The following P3H3 variants were observed in gnomAD, a reference collection of about 807,000 sequenced individuals.
P3H3 encodes the protein prolyl 3-hydroxylase 3, also known as gene rich cluster, B.
A neutral mutation model predicts 78.1 loss-of-function variants in P3H3; 64 were observed. The ratio of observed to expected loss-of-function variants is 0.82; its 90% CI spans 0.67 to 1.01. The LOEUF (loss-of-function observed/expected upper bound fraction) is 1.01, where lower values mean the gene tolerates loss of function less well. Ranked by LOEUF, P3H3 falls within the 50% of genes least tolerant of loss-of-function variation. P3H3 has a pLI of 0.00. For missense variants in P3H3, 975 were observed against 982.2 expected (o/e 0.99, Z 0.10); for synonymous variants, 425 against 416.7 (o/e 1.02, Z -0.24).
intron 13 of P3H3, among the ~76,000 whole-genome samples, chr12:6,838,283 A>G (rs868907755): frequency 6.6e-5 from 10 of 152,316 alleles, no homozygotes; most frequent in Middle Eastern, 3.4e-3. Flanking sequence ...AGGTGCCTCC[A>G]GGACTCCATG....
At position 6,831,395 on chromosome 12, in the gene P3H3, A is replaced by C. The variant is rs1555121411; in HGVS notation, c.1122+43A>C. On this transcript the variant is annotated intron_variant, in intron 5 of 14. Transcript: ENST00000290510. The surrounding 1 kb of genome is among the most constrained non-coding windows in gnomAD (Gnocchi z 4.6). ...CTCACCTGGGAGGTAGCCCCAAATC[A>C]AACAAATAGACCTGAGAAGTAACCT... 3 of 1,610,528 alleles carry C rather than the reference A, an allele frequency of 1.9e-6. No homozygotes were observed. Among genetic ancestry groups the C allele is most frequent in the Admixed American group, 3.3e-5 (2 of 59,924 alleles).
In P3H3 at chr12:6,831,528, G is replaced by A. The variant is rs1791432970; in HGVS notation, c.1122+176G>A. 6.6e-6 allele frequency among the ~76,000 whole-genome samples: 1 copy of A among 151,930 alleles called. No individual in the cohort carries two copies. The highest frequency in any genetic ancestry group is 6.6e-5 in the Admixed American group (1 of 15,240). On this transcript the variant is annotated intron_variant, in intron 5 of 14. Coordinates refer to ENST00000290510, the MANE Select transcript of P3H3 (RefSeq NM_014262.5). This position sits in a 1 kb window ranked among gnomAD's most constrained non-coding sequence, Gnocchi z 4.6. ...CACTCCCTGCTCCCCACGGCAGCCT[G>A]GAGTTCCGATTCCAGCCCTCAGCCC...
chr12:6,837,876 A>G (rs1555122460), intron 12 of P3H3, 27 bp downstream of exon 12: 2 of 1,597,254 alleles, frequency 1.3e-6, no homozygotes, highest in East Asian at 4.6e-5. Flanking sequence ...GTGGTCAGGC[A>G]GGTGGGCAGA....
chr12:6,828,946 G>A lies in P3H3; in HGVS notation c.498+8G>A. 5.7e-6 allele frequency: 7 copies of A among 1,229,584 alleles called. No homozygotes were observed. The highest frequency in any genetic ancestry group is 7.1e-6 in the Non-Finnish European group (7 of 982,232). 76.2% of individuals were successfully genotyped at this position (1,229,584 alleles called of 1,614,324 possible). A position where few individuals can be genotyped will look rare whatever the true frequency, so the allele number is the denominator to read the frequency against. Reference sequence around the variant, plus strand: ...CAGAGGGCCTATTACCAGGTGGGGAGCGGGCCGGGCAGCTCCGAGGGTCCC... The same window carrying A: ...CAGAGGGCCTATTACCAGGTGGGGAACGGGCCGGGCAGCTCCGAGGGTCCC... On this transcript the variant is annotated splice_region_variant and intron_variant, in intron 1 of 14. Transcript: ENST00000290510.
intron 9 of P3H3, among the ~76,000 whole-genome samples, chr12:6,836,227 C>CA (rs1385021771): frequency 8.2e-5 from 3 of 36,650 alleles, no homozygotes; most frequent in African/African-American, 4.9e-4. Context: ...GTCTCAAAAA[C>CA]AAAAAATGAA....
Position 6,839,537 on chromosome 12 carries a change from GC to G in P3H3, c.*80del. ...ATCTTGATGCCAGGACACACAGGAA[GC>G]CCCTGTGTGACATCAGGAGCAGAAC... On this transcript the variant is annotated 3_prime_UTR_variant, in exon 15 of 15. Coordinates refer to ENST00000290510, the MANE Select transcript of P3H3 (RefSeq NM_014262.5). The G allele has an allele frequency of 6.8e-7, 1 of 1,470,402 alleles. No individual in the cohort carries two copies. The highest frequency in any genetic ancestry group is 9.1e-7 in the Non-Finnish European group (1 of 1,096,936). The allele number at this position is 1,470,402 out of a possible 1,614,324, so 91.1% of individuals were successfully genotyped here. A position where few individuals can be genotyped will look rare whatever the true frequency, so the allele number is the denominator to read the frequency against.
At position 6,829,971 on chromosome 12, in the gene P3H3, G is replaced by T; in HGVS notation, c.611G>T (p.Arg204Leu). 2 of 1,613,960 alleles carry T rather than the reference G, an allele frequency of 1.2e-6. No individual in the cohort carries two copies. The highest frequency in any genetic ancestry group is 8.5e-7 in the Non-Finnish European group (1 of 1,179,868). The change falls in exon 2 of 15, where the codon CGG becomes CTG. Residue 204 changes from arginine (R) to leucine (L), a missense_variant. Physicochemically the swap from Arg to Leu is moderately radical, Grantham distance 102. Coordinates refer to ENST00000290510, the MANE Select transcript of P3H3 (RefSeq NM_014262.5). The surrounding 1 kb of genome is among the most constrained non-coding windows in gnomAD (Gnocchi z 5.1). Reference sequence around the variant, plus strand: ...AAGTACAGACGAATGTCGGGAGTTCGGCCCCAGAGCTTCCGGGACCTGGAG... The same window carrying T: ...AAGTACAGACGAATGTCGGGAGTTCTGCCCCAGAGCTTCCGGGACCTGGAG... ...MAKYRRMSGV[R>L]PQSFRDLETP...
Position 6,829,650 on chromosome 12 carries a change from C to A in P3H3, c.499-209C>A. The A allele has an allele frequency of 1.7e-6, 1 of 588,662 alleles. No individual in the cohort carries two copies. The highest frequency in any genetic ancestry group is 3.0e-6 in the Non-Finnish European group (1 of 333,554). 36.5% of individuals were successfully genotyped at this position (588,662 alleles called of 1,614,324 possible). A position where few individuals can be genotyped will look rare whatever the true frequency, so the allele number is the denominator to read the frequency against. ...ACTCCGACGTCTTTAGATCCCCTTT[C>A]CCTCGGTGCCAGCCTTCTGAGAGTC... On this transcript the variant is annotated intron_variant, in intron 1 of 14. Transcript: ENST00000290510. This position sits in a 1 kb window ranked among gnomAD's most constrained non-coding sequence, Gnocchi z 5.1.
intron 11 of P3H3, 52 bp from the exon 12 acceptor site, chr12:6,837,680 G>A: frequency 6.3e-7 from 1 of 1,583,230 alleles, no homozygotes; most frequent in African/African-American, 1.3e-5. Context: ...CCCACAGGGT[G>A]GCAGATGGGC....
rs111417102 is a variant in P3H3, at chr12:6,831,088, GA to G, written c.986-126del. The G allele has an allele frequency of 6.7e-6, 8 of 1,194,780 alleles. No homozygotes were observed. The highest frequency in any genetic ancestry group is 1.9e-4 in the Middle Eastern group (1 of 5,292). 74.0% of individuals were successfully genotyped at this position (1,194,780 alleles called of 1,614,324 possible). A position where few individuals can be genotyped will look rare whatever the true frequency, so the allele number is the denominator to read the frequency against. ...GGCAGCTGAACTTGTCTGCCAGTGG[GA>G]AGGGGGCTCTTGGAGTTAGCTGTCT... is the stretch of plus-strand genomic sequence containing the variant. On this transcript the variant is annotated intron_variant, in intron 4 of 14. Coordinates refer to ENST00000290510, the MANE Select transcript of P3H3 (RefSeq NM_014262.5). This position sits in a 1 kb window ranked among gnomAD's most constrained non-coding sequence, Gnocchi z 4.6.
intron 9 of P3H3, among the ~76,000 whole-genome samples, chr12:6,835,780 G>A (rs1490685667): frequency 6.6e-6 from 1 of 152,140 alleles, no homozygotes; most frequent in African/African-American, 2.4e-5. Context: ...GTAGACAGCT[G>A]TTGCAGGATT....
chr12:6,829,419 C>T lies in P3H3; in HGVS notation c.499-440C>T, dbSNP rs1184334722. ...CTCTGCGGGCGGGGAGGGGACAGCACGCCGCAGCCGCCGGTACCGCAGCAG... is the reference window on the plus strand; with the variant it reads ...CTCTGCGGGCGGGGAGGGGACAGCATGCCGCAGCCGCCGGTACCGCAGCAG... On this transcript the variant is annotated intron_variant, in intron 1 of 14. Transcript: ENST00000290510. This position sits in a 1 kb window ranked among gnomAD's most constrained non-coding sequence, Gnocchi z 5.1. The T allele has an allele frequency of 8.3e-6, 2 of 239,846 alleles. No individual in the cohort carries two copies. The highest frequency in any genetic ancestry group is 4.7e-5 in the African/African-American group (2 of 42,674). 14.9% of individuals were successfully genotyped at this position (239,846 alleles called of 1,614,324 possible).
In P3H3 at chr12:6,829,254, C is replaced by T. The variant is rs1555120944; in HGVS notation, c.498+316C>T. 5 of 317,686 alleles carry T rather than the reference C, an allele frequency of 1.6e-5. No individual in the cohort carries two copies. 19.7% of individuals were successfully genotyped at this position (317,686 alleles called of 1,614,324 possible). On this transcript the variant is annotated intron_variant, in intron 1 of 14. Coordinates refer to ENST00000290510, the MANE Select transcript of P3H3 (RefSeq NM_014262.5). This position sits in a 1 kb window ranked among gnomAD's most constrained non-coding sequence, Gnocchi z 5.1. Reference sequence around the variant, plus strand: ...GAAGCGGAGGCGGTGGGGGCGAAACCGGCTCTCGGACGGGAAGTGTGCGTG... The same window carrying T: ...GAAGCGGAGGCGGTGGGGGCGAAACTGGCTCTCGGACGGGAAGTGTGCGTG...
Position 6,830,785 on chromosome 12 carries a change from G to A in P3H3, c.985+15G>A. ...CCATGCTCAGGGTCAGTTGGGGAAG[G>A]GTGGAAACGGGGAGTGAAGATTTGC... On this transcript the variant is annotated intron_variant, in intron 4 of 14. Coordinates refer to ENST00000290510, the MANE Select transcript of P3H3 (RefSeq NM_014262.5). 1.2e-6 allele frequency: 2 copies of A among 1,613,406 alleles called. No homozygotes were observed.
rs1165197569 is a variant in P3H3, at chr12:6,839,355, AG to A, written c.2107del (p.Glu703LysfsTer47). On this transcript the variant is annotated frameshift_variant, in exon 15 of 15. Coordinates refer to ENST00000290510, the MANE Select transcript of P3H3 (RefSeq NM_014262.5). LOFTEE classifies it high-confidence loss of function. Reference protein sequence around the residue: ...QESQEEEEEEEEEMPSKDPSP... With the variant: ...QESQEEEEEEXEEMPSKDPSP... ...TCACAGGAGGAGGAGGAAGAGGAAG[AG>A]GAAGAAATGCCCAGCAAAGACCCTT... 3.9e-6 allele frequency: 6 copies of A among 1,553,918 alleles called. No homozygotes were observed. Among genetic ancestry groups the A allele is most frequent in the Non-Finnish European group, 5.2e-6 (6 of 1,148,190 alleles).
Position 6,830,780 on chromosome 12 carries a change from GGAAGGGTGGAAACGGGGAGT to G in P3H3, c.985+15_985+34del, listed in dbSNP as rs782116883. The G allele has an allele frequency of 1.4e-4, 220 of 1,613,796 alleles. No homozygotes were observed. Among genetic ancestry groups the G allele is most frequent in the Non-Finnish European group, 1.8e-4 (215 of 1,179,832 alleles). On this transcript the variant is annotated intron_variant, in intron 4 of 14. Coordinates refer to ENST00000290510, the MANE Select transcript of P3H3 (RefSeq NM_014262.5). Reference sequence around the variant, plus strand: ...GAGGCCCATGCTCAGGGTCAGTTGGGGAAGGGTGGAAACGGGGAGTGAAGATTTGCCTCTGCTGCTATCCT... The same window carrying G: ...GAGGCCCATGCTCAGGGTCAGTTGGGGAAGATTTGCCTCTGCTGCTATCCT...
Position 6,831,994 on chromosome 12 carries a change from C to A in P3H3, c.1212+80C>A. 1.3e-6 allele frequency: 1 copy of A among 788,444 alleles called. No individual in the cohort carries two copies. 48.8% of individuals were successfully genotyped at this position (788,444 alleles called of 1,614,324 possible). On this transcript the variant is annotated intron_variant, in intron 6 of 14. Transcript: ENST00000290510. The surrounding 1 kb of genome is among the most constrained non-coding windows in gnomAD (Gnocchi z 4.6). ...CACTTTGGTTTGCAACAGAGTTTTCCATTTTTCCACCATGAGGCTTGGAGA... is the reference window on the plus strand; with the variant it reads ...CACTTTGGTTTGCAACAGAGTTTTCAATTTTTCCACCATGAGGCTTGGAGA...
chr12:6,828,921 C>T lies in P3H3; in HGVS notation c.481C>T (p.Gln161Ter), dbSNP rs1294145430. Residue 161 changes from glutamine (Q) to a stop codon, truncating the protein, a stop_gained, in exon 1 of 15, where the codon CAG becomes TAG. Transcript: ENST00000290510. LOFTEE classifies it high-confidence loss of function. Reference protein sequence around the residue: ...FRRREPYNYLQRAYYQLKKLD... With the variant: ...FRRREPYNYL ...CCGTCGGGAGCCCTACAACTACCTG[C>T]AGAGGGCCTATTACCAGGTGGGGAG... is the stretch of plus-strand genomic sequence containing the variant. 3.2e-6 allele frequency: 4 copies of T among 1,242,476 alleles called. No homozygotes were observed. In the African/African-American group the frequency reaches 6.2e-5, roughly 19 times the overall value. 77.0% of individuals were successfully genotyped at this position (1,242,476 alleles called of 1,614,324 possible).
At position 6,829,549 on chromosome 12, in the gene P3H3, C is replaced by G; in HGVS notation, c.499-310C>G. 1 of 383,726 alleles carries G rather than the reference C, an allele frequency of 2.6e-6. No homozygotes were observed. Among genetic ancestry groups the G allele is most frequent in the Non-Finnish European group, 4.8e-6 (1 of 209,518 alleles). 23.8% of individuals were successfully genotyped at this position (383,726 alleles called of 1,614,324 possible). On this transcript the variant is annotated intron_variant, in intron 1 of 14. Coordinates refer to ENST00000290510, the MANE Select transcript of P3H3 (RefSeq NM_014262.5). This position sits in a 1 kb window ranked among gnomAD's most constrained non-coding sequence, Gnocchi z 5.1. ...GTCGCTGAGGTCTCCCCCACTTCCCCACCTCACTTAAGCCATCACTTCCAC... is the reference window on the plus strand; with the variant it reads ...GTCGCTGAGGTCTCCCCCACTTCCCGACCTCACTTAAGCCATCACTTCCAC...
Sources: allele counts gnomAD v4.1 joint callset (sites outside exome capture counted in the v4.1 genomes callset), GRCh38; gene constraint gnomAD v4.1.1; non-coding constraint Gnocchi (gnomAD v3.1); transcripts MANE v1.5; gene names NCBI Gene and HGNC (gene_info 2026-07-23, HGNC 2026-07-21).